AGPS: variants seen among roughly 807,000 people sequenced by gnomAD.
AGPS encodes the protein alkylglycerone phosphate synthase, also known as alkyldihydroxyacetonephosphate synthase, peroxisomal.
In AGPS, 26 loss-of-function variants were observed where a neutral mutation model predicts 90.7. The observed-to-expected ratio is 0.29, with a 90% CI of 0.21 to 0.40. The LOEUF is 0.40. Ranked by LOEUF, AGPS falls within the 10% of genes least tolerant of loss-of-function variation. The pLI, the probability that AGPS is intolerant of heterozygous loss-of-function variation, is 1.00. For missense variants in AGPS, 540 were observed against 816.1 expected (o/e 0.66, Z 4.12); for synonymous variants, 294 against 285.3 (o/e 1.03, Z -0.31).
At chr2:177,444,662 A>G (rs1686717332) in intron 7 of AGPS, among the ~76,000 whole-genome samples, 1 of 152,182 alleles carries the variant, frequency 6.6e-6, no homozygotes, top group South Asian at 2.1e-4. Context: ...TTTCCTTTTT[A>G]TTATTAAGTA....
intron 17 of AGPS, among the ~76,000 whole-genome samples, chr2:177,514,231 GAAATTAT>G (rs1381629928): frequency 6.6e-6 from 1 of 152,142 alleles, no homozygotes; most frequent in African/African-American, 2.4e-5. Flanking sequence ...ATATAGTCAA[GAAATTAT>G]AAATTATATA....
intron 8 of AGPS, among the ~76,000 whole-genome samples, chr2:177,458,721 A>C (rs570339068): frequency 3.3e-4 from 50 of 152,358 alleles, no homozygotes; most frequent in Admixed American, 1.5e-3. Flanking sequence ...GATAGGAAGA[A>C]TCAATACTAT....
At chr2:177,528,584 A>C (rs906050452) in intron 19 of AGPS, among the ~76,000 whole-genome samples, 8 of 152,188 alleles carry the variant, frequency 5.3e-5, no homozygotes, top group Non-Finnish European at 1.2e-4. Flanking sequence ...TAAAAATGTC[A>C]CCTTCTTAGA....
chr2:177,456,315 A>G (rs1687107810), intron 8 of AGPS, among the ~76,000 whole-genome samples: 1 of 152,260 alleles, frequency 6.6e-6, no homozygotes, highest in African/African-American at 2.4e-5. Context: ...GGCTAAATGT[A>G]TATGATCTTA....
chr2:177,446,163 A>AT (rs1559049707), intron 8 of AGPS, among the ~76,000 whole-genome samples: 1 of 135,582 alleles, frequency 7.4e-6, no homozygotes, highest in African/African-American at 2.7e-5. Flanking sequence ...TTTTTTTTTT[A>AT]TTTTTTTTGA....
chr2:177,509,143 C>T (rs1688792259), intron 16 of AGPS, among the ~76,000 whole-genome samples: 1 of 152,188 alleles, frequency 6.6e-6, no homozygotes, highest in African/African-American at 2.4e-5. Context: ...TTTCTACATG[C>T]AGTCATCATC....
chr2:177,504,907 T>C (rs1688666238), intron 14 of AGPS, among the ~76,000 whole-genome samples: 1 of 152,108 alleles, frequency 6.6e-6, no homozygotes, highest in South Asian at 2.1e-4. Context: ...TAATTCTAAC[T>C]AGATCATCAA....
chr2:177,436,430 G>A (rs373251015), intron 3 of AGPS, among the ~76,000 whole-genome samples: 7 of 152,076 alleles, frequency 4.6e-5, no homozygotes, highest in South Asian at 2.1e-4. Flanking sequence ...GATTACAGGC[G>A]TGAGCCACTG....
chr2:177,459,472 C>T (rs1687221329), intron 8 of AGPS, among the ~76,000 whole-genome samples: 1 of 151,976 alleles, frequency 6.6e-6, no homozygotes, highest in African/African-American at 2.4e-5. Flanking sequence ...AACAAATTTA[C>T]AAGAAAAAAA....
intron 7 of AGPS, among the ~76,000 whole-genome samples, chr2:177,443,842 A>ATGT (rs1686686020): frequency 6.6e-6 from 1 of 152,132 alleles, no homozygotes; most frequent in Non-Finnish European, 1.5e-5. Context: ...GGTAGCCTAT[A>ATGT]TGTTTTCTTT....
At chr2:177,445,414 G>T in intron 7 of AGPS, 132 bp from the exon 8 acceptor site, 1 of 736,642 alleles carries the variant, frequency 1.4e-6, no homozygotes. Context: ...GGTTTCCAGT[G>T]TGGGTGGTTG....
intron 12 of AGPS, among the ~76,000 whole-genome samples, chr2:177,495,797 A>G (rs1324725829): frequency 2.0e-5 from 3 of 150,986 alleles, no homozygotes; most frequent in Non-Finnish European, 4.4e-5. Context: ...GAGCACCTGT[A>G]GTCCCAGCTA....
chr2:177,456,674 T>C (rs1347339602), intron 8 of AGPS, among the ~76,000 whole-genome samples: 1 of 152,144 alleles, frequency 6.6e-6, no homozygotes, highest in Non-Finnish European at 1.5e-5. Context: ...TTGGAGAAGA[T>C]AATGAAGTAA....
intron 9 of AGPS, among the ~76,000 whole-genome samples, chr2:177,467,001 A>T (rs559802035): frequency 6.6e-6 from 1 of 152,166 alleles, no homozygotes; most frequent in East Asian, 1.9e-4. Flanking sequence ...TGCTCTGCCA[A>T]CTAGGAAGGG....
chr2:177,434,428 A>G lies in AGPS; in HGVS notation c.441+11A>G. Reference sequence around the variant, plus strand: ...AAAACTACCTCTAAAGTAAGCAAACAAAAATTATTACTAACTCATTTAACT... The same window carrying G: ...AAAACTACCTCTAAAGTAAGCAAACGAAAATTATTACTAACTCATTTAACT... On this transcript the variant is annotated intron_variant, in intron 3 of 19. Coordinates refer to ENST00000264167, the MANE Select transcript of AGPS (RefSeq NM_003659.4). 1 of 1,573,842 alleles carries G rather than the reference A, an allele frequency of 6.4e-7. No homozygotes were observed. Among genetic ancestry groups the G allele is most frequent in the Non-Finnish European group, 8.7e-7 (1 of 1,144,922 alleles).
At chr2:177,508,779 T>G (rs1331998862) in intron 16 of AGPS, among the ~76,000 whole-genome samples, 1 of 152,092 alleles carries the variant, frequency 6.6e-6, no homozygotes, top group Non-Finnish European at 1.5e-5. Context: ...ACCAGAAGTG[T>G]TTGAGATTTT....
chr2:177,510,073 C>A (rs896636976), intron 16 of AGPS, among the ~76,000 whole-genome samples: 2 of 152,170 alleles, frequency 1.3e-5, no homozygotes, highest in African/African-American at 4.8e-5. Context: ...GTGTTTAATT[C>A]CTCTCTTTGG....
intron 11 of AGPS, among the ~76,000 whole-genome samples, chr2:177,490,027 A>G (rs1037448965): frequency 6.6e-6 from 1 of 152,132 alleles, no homozygotes; most frequent in African/African-American, 2.4e-5. Context: ...GCTGTCTCTG[A>G]CTTTTGAAGG....
At chr2:177,476,459 A>G (rs1047019073) in intron 10 of AGPS, among the ~76,000 whole-genome samples, 1 of 151,924 alleles carries the variant, frequency 6.6e-6, no homozygotes, top group Non-Finnish European at 1.5e-5. Context: ...TAATTTTCAC[A>G]TATTAGTTAG....
Sources: allele counts gnomAD v4.1 joint callset (sites outside exome capture counted in the v4.1 genomes callset), GRCh38; gene constraint gnomAD v4.1.1; transcripts MANE v1.5; gene names NCBI Gene and HGNC (gene_info 2026-07-23, HGNC 2026-07-21).